RLN2: variants seen among roughly 807,000 people sequenced by gnomAD.
The protein encoded by RLN2 is relaxin 2, also known as prorelaxin H2.
Under a neutral mutation model 7.3 loss-of-function variants are expected in RLN2, and 10 were observed. The observed-to-expected ratio is 1.36, with a 90% CI of 0.84 to 2.31. The LOEUF is 2.31. Among genes scored for constraint, RLN2 ranks in the 30% most tolerant of loss-of-function variants. The pLI, the probability that RLN2 is intolerant of heterozygous loss-of-function variation, is 0.00. For synonymous variants in RLN2, 103 were observed against 82.3 expected (o/e 1.25, Z -1.36); for missense variants, 298 against 217.6 (o/e 1.37, Z -2.32).
the RLN2 span, among the ~76,000 whole-genome samples, chr9:5,337,589 C>T: frequency 1.3e-4 from 20 of 151,996 alleles, no homozygotes; most frequent in East Asian, 3.3e-3. Flanking sequence ...AGTGTAATAA[C>T]GTGAAAGCAA....
In RLN2 at chr9:5,300,443, TTC is replaced by T. The variant is rs575388244; in HGVS notation, c.212-1_212del. 3.8e-5 allele frequency: 61 copies of T among 1,591,460 alleles called. No individual in the cohort carries two copies. The East Asian group carries it at 1.3e-3, about 35-fold the overall frequency. On this transcript the variant is annotated splice_acceptor_variant and coding_sequence_variant, in exon 2 of 2. Transcript: ENST00000381627. LOFTEE classifies it high-confidence loss of function. ...CTTTGTTGATGAAGGATGGCACAAT[TTC>T]TGTTAAATTTAAAAAAAAAGGTGTA...
upstream of RLN2, among the ~76,000 whole-genome samples, chr9:5,305,975 C>T (rs191762833): frequency 3.6e-4 from 55 of 151,948 alleles, no homozygotes; most frequent in African/African-American, 1.3e-3. Context: ...AGAGAGGCCT[C>T]TCAAAACTGA....
upstream of RLN2, among the ~76,000 whole-genome samples, chr9:5,307,001 C>T (rs916426832): frequency 6.6e-6 from 1 of 151,980 alleles, no homozygotes; most frequent in African/African-American, 2.4e-5. Flanking sequence ...TCCTTTCTTT[C>T]CTTCCTGAAG....
chr9:5,311,388 C>T, the RLN2 span: 1 of 482,484 alleles, frequency 2.1e-6, no homozygotes, highest in South Asian at 2.2e-5. Flanking sequence ...CCGGGGCTCT[C>T]ATTGGACACA....
At chr9:5,314,453 C>A in the RLN2 span, among the ~76,000 whole-genome samples, 5 of 151,956 alleles carry the variant, frequency 3.3e-5, no homozygotes, top group Admixed American at 1.3e-4. Flanking sequence ...CAGTCATGCA[C>A]CCCCATTCCT....
the RLN2 span, among the ~76,000 whole-genome samples, chr9:5,321,694 C>A: frequency 1.4e-5 from 2 of 147,112 alleles, no homozygotes; most frequent in East Asian, 4.2e-4. Context: ...AAGAAGGAAG[C>A]AAGCAATGGT....
At chr9:5,327,043 T>C in the RLN2 span, among the ~76,000 whole-genome samples, 13 of 152,042 alleles carry the variant, frequency 8.6e-5, no homozygotes, top group South Asian at 2.3e-3. Context: ...CTGGAACTGG[T>C]TGAACAGTGG....
At chr9:5,327,269 T>C in the RLN2 span, among the ~76,000 whole-genome samples, 1 of 152,084 alleles carries the variant, frequency 6.6e-6, no homozygotes, top group African/African-American at 2.4e-5. Flanking sequence ...GCAGGTCCCA[T>C]GCCCAAGGAG....
chr9:5,320,459 C>T, the RLN2 span, among the ~76,000 whole-genome samples: 4 of 151,854 alleles, frequency 2.6e-5, no homozygotes, highest in Admixed American at 2.0e-4. Flanking sequence ...CAACCTCCAC[C>T]TCTCAGGTTC....
In RLN2 at chr9:5,300,199, A is replaced by G. The variant is rs1173015450; in HGVS notation, c.457T>C (p.Leu153=). 6.2e-7 allele frequency: 1 copy of G among 1,614,028 alleles called. No individual in the cohort carries two copies. The highest frequency in any genetic ancestry group is 8.5e-7 in the Non-Finnish European group (1 of 1,179,906). ...SSPSELKYLG[L]DTHSRKKRQL... ...CTCTTTTTTCGAGAATGAGTATCCA[A>G]GCCTAAGTATTTTAATTCTGAAGGA... The change falls in exon 2 of 2, where the codon TTG becomes CTG. Residue 153 remains leucine, a synonymous_variant. Coordinates refer to ENST00000381627, the MANE Select transcript of RLN2 (RefSeq NM_134441.3).
the RLN2 span, among the ~76,000 whole-genome samples, chr9:5,315,323 G>A: frequency 6.7e-6 from 1 of 150,350 alleles, no homozygotes; most frequent in Admixed American, 6.6e-5. Flanking sequence ...AAATACAATA[G>A]AAAGCTTCAA....
At chr9:5,317,206 C>T in the RLN2 span, among the ~76,000 whole-genome samples, 1 of 151,890 alleles carries the variant, frequency 6.6e-6, no homozygotes, top group African/African-American at 2.4e-5. Context: ...ATAGTAACTC[C>T]TTACCTATCA....
At chr9:5,308,479 G>A (rs1261990468), upstream of RLN2, among the ~76,000 whole-genome samples, 1 of 151,894 alleles carries the variant, frequency 6.6e-6, no homozygotes, top group Non-Finnish European at 1.5e-5. Flanking sequence ...TTTTATTGGG[G>A]TTTGTGGTTT....
At chr9:5,331,005 G>C in the RLN2 span, among the ~76,000 whole-genome samples, 1 of 151,888 alleles carries the variant, frequency 6.6e-6, no homozygotes, top group East Asian at 1.9e-4. Context: ...TAGAAGAAAT[G>C]GATAAATTCC....
chr9:5,300,616 G>A lies in RLN2; in HGVS notation c.212-172C>T, dbSNP rs182256936. 6.6e-5 allele frequency among the ~76,000 whole-genome samples: 10 copies of A among 152,208 alleles called. No homozygotes were observed. In the East Asian group the frequency reaches 1.9e-3, roughly 29 times the overall value. On this transcript the variant is annotated intron_variant, in intron 1 of 1. Coordinates refer to ENST00000381627, the MANE Select transcript of RLN2 (RefSeq NM_134441.3). ...TAAACACTTAGCTTACTTACAGTTG[G>A]ACACCTTAAAGTACCATAATTTTAC...
chr9:5,318,007 C>CGTGTGTGTGTGTGTGTGTGTGT, the RLN2 span, among the ~76,000 whole-genome samples: 13 of 148,064 alleles, frequency 8.8e-5, no homozygotes, highest in African/African-American at 2.5e-4. Context: ...TGTGTGTGTG[C>CGTGTGTGTGTGTGTGTGTGTGT]GTGTGTGTGT....
At chr9:5,329,466 T>A in the RLN2 span, among the ~76,000 whole-genome samples, 1 of 150,432 alleles carries the variant, frequency 6.6e-6, no homozygotes, top group South Asian at 2.1e-4. Context: ...ACTGGCAAAC[T>A]GGATAAAGAG....
chr9:5,321,474 C>A, the RLN2 span, among the ~76,000 whole-genome samples: 2 of 152,094 alleles, frequency 1.3e-5, no homozygotes, highest in East Asian at 3.9e-4. Context: ...TAGATACTGT[C>A]TGTCATTTTT....
At chr9:5,323,637 G>A in the RLN2 span, among the ~76,000 whole-genome samples, 2 of 151,918 alleles carry the variant, frequency 1.3e-5, no homozygotes, top group African/African-American at 4.8e-5. Flanking sequence ...GAAATGAATT[G>A]ATTTTCAGAG....
Sources: gnomAD v4.1 joint callset for allele counts (sites outside exome capture counted in the v4.1 genomes callset) on GRCh38, gnomAD v4.1.1 for gene constraint, MANE v1.5 for transcripts, NCBI Gene and HGNC (gene_info 2026-07-23, HGNC 2026-07-21) for gene names.